The following MYH11 variants were observed in gnomAD, a reference collection of about 807,000 sequenced individuals.
MYH11 encodes the protein myosin-11.
In MYH11, 80 loss-of-function variants were observed where a neutral mutation model predicts 246.6. The ratio of observed to expected loss-of-function variants is 0.32; its 90% confidence interval spans 0.27 to 0.39. MYH11 has a LOEUF of 0.39. Among genes scored for constraint, MYH11 ranks in the 10% least tolerant of loss-of-function variants. MYH11 has a pLI of 1.00. For missense variants in MYH11, 2,158 were observed against 2,546.8 expected (o/e 0.85, Z 3.29); for synonymous variants, 1,071 against 1,015.5 (o/e 1.05, Z -1.04).
chr16:15,714,064 C>T (rs1337062431), intron 40 of MYH11: 2 of 152,382 alleles, frequency 1.3e-5, no homozygotes, highest in African/African-American at 4.8e-5. Context: ...GGTCAAGGAA[C>T]CGAGAGGCTG....
intron 2 of MYH11, among the ~76,000 whole-genome samples, chr16:15,832,943 C>CTTTTTTTTTTTT (rs780380104): frequency 3.6e-5 from 2 of 55,340 alleles, no homozygotes; most frequent in Non-Finnish European, 6.4e-5. Flanking sequence ...GCAACCTCAT[C>CTTTTTTTTTTTT]TTTTTTTTTT....
intron 1 of MYH11, among the ~76,000 whole-genome samples, chr16:15,839,378 G>C (rs201616394): frequency 1.3e-5 from 2 of 152,032 alleles, no homozygotes; most frequent in African/African-American, 2.4e-5. Flanking sequence ...TGGTGCAAAC[G>C]TAAGTGTGGT....
rs565371835 is a variant in MYH11 at position 15,837,408 on chromosome 16, T to C, written c.345+500A>G. 1.1e-4 allele frequency among the ~76,000 whole-genome samples: 16 copies of C among 152,258 alleles called. No individual in the cohort carries two copies. The East Asian group carries it at 2.3e-3, about 22-fold the overall frequency. ...CTGTAATGAGGGTGATTATTCCCAT[T>C]TTACGGATAGGAAAACCAAGGCTTC... On this transcript the variant is annotated intron_variant, in intron 2 of 40. Coordinates refer to ENST00000300036, the MANE Select transcript of MYH11 (RefSeq NM_002474.3).
In MYH11 at chr16:15,719,569, C is replaced by G. The variant is rs548659957; in HGVS notation, c.5082+16G>C. The G allele has an allele frequency of 1.9e-6, 3 of 1,613,894 alleles. No individual in the cohort carries two copies. The highest frequency in any genetic ancestry group is 3.3e-5 in the Admixed American group (2 of 60,028). ...ACACCCGCATCTGAGGCTCTCCTAGCAAGGCGAGGCTTTACCTCTTGTAGC... is the reference window on the plus strand; with the variant it reads ...ACACCCGCATCTGAGGCTCTCCTAGGAAGGCGAGGCTTTACCTCTTGTAGC... On this transcript the variant is annotated intron_variant, in intron 35 of 40. Coordinates refer to ENST00000300036, the MANE Select transcript of MYH11 (RefSeq NM_002474.3).
At chr16:15,824,576 C>T (rs981664256) in intron 2 of MYH11, among the ~76,000 whole-genome samples, 1 of 152,188 alleles carries the variant, frequency 6.6e-6, no homozygotes, top group African/African-American at 2.4e-5. Context: ...CCACCGCACT[C>T]AGCCAGAGAG....
chr16:15,814,715 A>C (rs1423922387), intron 3 of MYH11, among the ~76,000 whole-genome samples: 1 of 152,008 alleles, frequency 6.6e-6, no homozygotes, highest in African/African-American at 2.4e-5. Flanking sequence ...AGAAAAGATC[A>C]AGGAGGAGAC....
chr16:15,827,675 G>T (rs1038397606), intron 2 of MYH11, among the ~76,000 whole-genome samples: 2 of 152,224 alleles, frequency 1.3e-5, no homozygotes, highest in African/African-American at 4.8e-5. Flanking sequence ...CCTTGGTATA[G>T]AATAGGTGCT....
chr16:15,837,413 G>A lies in MYH11; in HGVS notation c.345+495C>T, dbSNP rs551522386. ...ATGAGGGTGATTATTCCCATTTTAC[G>A]GATAGGAAAACCAAGGCTTCGAGAG... On this transcript the variant is annotated intron_variant, in intron 2 of 40. Transcript: ENST00000300036. Among the ~76,000 whole-genome samples the A allele has an allele frequency of 5.4e-4, 82 of 152,194 alleles. 1 individual carries two copies. Among genetic ancestry groups the A allele is most frequent in the African/African-American group, 1.8e-3 (76 of 41,528 alleles).
At chr16:15,734,303 GT>G (rs112515704) in intron 26 of MYH11, among the ~76,000 whole-genome samples, 2 of 150,936 alleles carry the variant, frequency 1.3e-5, no homozygotes, top group Non-Finnish European at 3.0e-5. Flanking sequence ...TTTGTTTTTT[GT>G]TTTTTTTTGA....
intron 40 of MYH11, among the ~76,000 whole-genome samples, chr16:15,706,035 A>C (rs948868517): frequency 1.2e-4 from 18 of 150,762 alleles, no homozygotes; most frequent in Non-Finnish European, 2.7e-4. Flanking sequence ...GATCACTGAG[A>C]AGAGGAATTC....
At chr16:15,708,401 A>T (rs1242232137) in intron 40 of MYH11, among the ~76,000 whole-genome samples, 2 of 152,222 alleles carry the variant, frequency 1.3e-5, no homozygotes, top group East Asian at 3.9e-4. Flanking sequence ...TGTCATATTC[A>T]TTCAGTGCAG....
rs143837336 is a variant in MYH11, at chr16:15,835,448, C to G, written c.345+2460G>C. ...ATGCTTTCTGAACTCTCCAAGTGTT[C>G]CATAGTGAACGTGTCTTAGTTTCCT... On this transcript the variant is annotated intron_variant, in intron 2 of 40. Transcript: ENST00000300036. Among the ~76,000 whole-genome samples the G allele has an allele frequency of 4.9e-4, 74 of 152,244 alleles. 1 individual carries two copies. In the East Asian group the frequency reaches 0.013, roughly 27 times the overall value.
intron 40 of MYH11, among the ~76,000 whole-genome samples, chr16:15,707,100 G>A (rs1434622706): frequency 2.0e-5 from 3 of 152,050 alleles, no homozygotes; most frequent in East Asian, 1.9e-4. Flanking sequence ...GTGCAGTGGC[G>A]TGATCTTGGC....
chr16:15,836,213 C>T (rs528019895), intron 2 of MYH11, among the ~76,000 whole-genome samples: 7 of 152,102 alleles, frequency 4.6e-5, no homozygotes, highest in Admixed American at 2.6e-4. Flanking sequence ...GACCCGTGCC[C>T]CACAACATCA....
chr16:15,856,569 G>A (rs1331393411), intron 1 of MYH11, among the ~76,000 whole-genome samples: 2 of 151,928 alleles, frequency 1.3e-5, no homozygotes, highest in African/African-American at 4.8e-5. Flanking sequence ...GATTTCCAAG[G>A]GAGCATATCT....
At chr16:15,718,550 C>T in intron 36 of MYH11, 112 bp from the exon 37 acceptor site, 1 of 1,430,832 alleles carries the variant, frequency 7.0e-7, no homozygotes, top group Non-Finnish European at 9.3e-7. Context: ...ATGGGTGAAA[C>T]TGAGGCTTGG....
At position 15,708,838 on chromosome 16, in the gene MYH11, C is replaced by G. The variant is rs778350253; in HGVS notation, c.5787-4715G>C. On this transcript the variant is annotated intron_variant, in intron 40 of 40. Transcript: ENST00000300036. ...ACTGCGAAGTTTCCTGTGGGGGGGG[C>G]CCTCTGAAACAGAGAGAGAATCCCC... 1.2e-5 allele frequency: 19 copies of G among 1,609,498 alleles called. No individual in the cohort carries two copies. Among genetic ancestry groups the G allele is most frequent in the Admixed American group, 5.1e-5 (3 of 59,258 alleles).
At chr16:15,823,769 G>GCGCC (rs1370058555) in intron 2 of MYH11, among the ~76,000 whole-genome samples, 1 of 152,110 alleles carries the variant, frequency 6.6e-6, no homozygotes, top group Non-Finnish European at 1.5e-5. Context: ...AGGACTACAG[G>GCGCC]CGGGCGCCAC....
At chr16:15,719,166 G>A in intron 36 of MYH11, 54 bp downstream of exon 36, 2 of 1,530,880 alleles carry the variant, frequency 1.3e-6, no homozygotes, top group Middle Eastern at 1.7e-4. Context: ...CGAGGATGCT[G>A]CCTGTCCCCC....
Sources: allele counts gnomAD v4.1 joint callset (sites outside exome capture counted in the v4.1 genomes callset), GRCh38; gene constraint gnomAD v4.1.1; transcripts MANE v1.5; gene names NCBI Gene and HGNC (gene_info 2026-07-23, HGNC 2026-07-21).